Variants in BRINP1 observed in about 807,000 individuals in gnomAD.
BRINP1 encodes BMP/retinoic acid-inducible neural-specific protein 1.
In BRINP1, 17 loss-of-function variants were observed where a neutral mutation model predicts 72.9. The ratio of observed to expected loss-of-function variants is 0.23; its 90% CI spans 0.16 to 0.35. The LOEUF (loss-of-function observed/expected upper bound fraction) is 0.35. Ranked by LOEUF, BRINP1 falls within the 10% of genes least tolerant of loss-of-function variation. BRINP1 has a pLI of 1.00. For synonymous variants in BRINP1, 418 were observed against 378.5 expected (o/e 1.10, Z -1.21); for missense variants, 850 against 1,001.6 (o/e 0.85, Z 2.04).
Position 119,167,130 on chromosome 9 carries a change from G to C in BRINP1, c.2240C>G (p.Thr747Arg). Residue 747 changes from threonine (T) to arginine (R), a missense_variant, in exon 8 of 8, where the codon ACG (threonine) becomes AGG (arginine). Coordinates refer to ENST00000265922, the MANE Select transcript of BRINP1 (RefSeq NM_014618.3). This position sits in a 1 kb window ranked among gnomAD's most constrained non-coding sequence, Gnocchi z 4.3. Reference sequence around the variant, plus strand: ...CTGGTCCGACTGTTTGAGGATCTCCGTGTTGTACAGGTCCAAGGCGTGGTT... The same window carrying C: ...CTGGTCCGACTGTTTGAGGATCTCCCTGTTGTACAGGTCCAAGGCGTGGTT... Reference protein sequence around the residue: ...RVNHALDLYNTEILKQSDQMT... With the variant: ...RVNHALDLYNREILKQSDQMT... 2 of 1,613,850 alleles carry C rather than the reference G, an allele frequency of 1.2e-6. No individual in the cohort carries two copies. Among genetic ancestry groups the C allele is most frequent in the African/African-American group, 1.3e-5 (1 of 75,028 alleles).
Position 119,269,486 on chromosome 9 carries a change from T to C in BRINP1, c.219-20336A>G, listed in dbSNP as rs910188465. On this transcript the variant is annotated intron_variant, in intron 2 of 7. Transcript: ENST00000265922. ...GCCCATATAATCCCCTGCTGGTCACTCTTACTCCATGGTTTCTTTTCTTTT... is the reference window on the plus strand; with the variant it reads ...GCCCATATAATCCCCTGCTGGTCACCCTTACTCCATGGTTTCTTTTCTTTT... 2.0e-5 allele frequency among the ~76,000 whole-genome samples: 3 copies of C among 152,282 alleles called. No individual in the cohort carries two copies. The East Asian group carries it at 5.8e-4, about 29-fold the overall frequency.
intron 1 of BRINP1, among the ~76,000 whole-genome samples, chr9:119,321,439 CA>C (rs1831185947): frequency 1.3e-5 from 2 of 152,250 alleles, no homozygotes; most frequent in South Asian, 4.1e-4. Flanking sequence ...AAATACACAC[CA>C]GCATTTCAAA....
At chr9:119,288,803 T>TTTTG (rs1830793577) in intron 2 of BRINP1, among the ~76,000 whole-genome samples, 10 of 152,002 alleles carry the variant, frequency 6.6e-5, no homozygotes, top group African/African-American at 2.4e-4. Context: ...GTTTTGTTTT[T>TTTTG]TTTTTTAGAT....
intron 7 of BRINP1, among the ~76,000 whole-genome samples, chr9:119,198,669 T>C (rs1588161586): frequency 2.4e-5 from 2 of 81,762 alleles, no homozygotes; most frequent in Admixed American, 3.2e-4. Context: ...CTTGAAAATA[T>C]TAATTTTTTT....
At chr9:119,278,850 T>C (rs1384120410) in intron 2 of BRINP1, among the ~76,000 whole-genome samples, 4 of 152,226 alleles carry the variant, frequency 2.6e-5, no homozygotes, top group Non-Finnish European at 5.9e-5. Flanking sequence ...ATTGCGCCAC[T>C]GCACTCCGAC....
At chr9:119,318,646 C>A (rs994694196) in intron 1 of BRINP1, among the ~76,000 whole-genome samples, 30 of 152,054 alleles carry the variant, frequency 2.0e-4, no homozygotes, top group Admixed American at 1.6e-3. Flanking sequence ...GTTGGGAGAT[C>A]CTGGTAGTGA....
At chr9:119,358,388 A>T (rs1297064752) in intron 1 of BRINP1, among the ~76,000 whole-genome samples, 2 of 14,918 alleles carry the variant, frequency 1.3e-4, no homozygotes, top group Non-Finnish European at 2.6e-4. Flanking sequence ...TATATGTATT[A>T]AAAAAAAAAA....
At chr9:119,218,546 C>T (rs1205027816) in intron 5 of BRINP1, among the ~76,000 whole-genome samples, 1 of 152,086 alleles carries the variant, frequency 6.6e-6, no homozygotes, top group Admixed American at 6.5e-5. Context: ...AAGTGCCTCA[C>T]GAGGCTTCTG....
chr9:119,369,088 G>A lies in BRINP1; in HGVS notation c.-83C>T, dbSNP rs1003583715. On this transcript the variant is annotated 5_prime_UTR_variant, in exon 1 of 8. The change creates a premature stop within an existing upstream ORF in the 5' untranslated region. Coordinates refer to ENST00000265922, the MANE Select transcript of BRINP1 (RefSeq NM_014618.3). ...CAATGTCCGTCTTTGGCGGAGAGCT[G>A]CGGGAGGACGCTTTTTATTCGGCTC... is the stretch of plus-strand genomic sequence containing the variant. 2 of 397,344 alleles carry A rather than the reference G, an allele frequency of 5.0e-6. No homozygotes were observed. Among genetic ancestry groups the A allele is most frequent in the Admixed American group, 4.4e-5 (1 of 22,698 alleles). The allele number at this position is 397,344 out of a possible 1,614,324, so 24.6% of individuals were successfully genotyped here.
chr9:119,166,971 G>T lies in BRINP1; in HGVS notation c.*113C>A. The T allele has an allele frequency of 8.7e-7, 1 of 1,150,818 alleles. No homozygotes were observed. Among genetic ancestry groups the T allele is most frequent in the Non-Finnish European group, 1.2e-6 (1 of 809,090 alleles). The allele number at this position is 1,150,818 out of a possible 1,614,324, so 71.3% of individuals were successfully genotyped here. A position where few individuals can be genotyped will look rare whatever the true frequency, so the allele number is the denominator to read the frequency against. ...AATGAAGATTTTCCTCCTTTTCTTT[G>T]AATATTAATTACATTTTACAAATTT... On this transcript the variant is annotated 3_prime_UTR_variant, in exon 8 of 8. Transcript: ENST00000265922.
chr9:119,301,991 T>C (rs1830943886), intron 2 of BRINP1, among the ~76,000 whole-genome samples: 1 of 152,210 alleles, frequency 6.6e-6, no homozygotes, highest in South Asian at 2.1e-4. Flanking sequence ...ATGCTCTACC[T>C]CTGGGCAAAA....
intron 1 of BRINP1, among the ~76,000 whole-genome samples, chr9:119,345,094 G>C (rs1312339809): frequency 1.3e-5 from 2 of 152,136 alleles, no homozygotes; most frequent in African/African-American, 4.8e-5. Context: ...GAGAGAGCCG[G>C]AAGCACCCAA....
chr9:119,179,658 A>T (rs143468321), intron 7 of BRINP1, among the ~76,000 whole-genome samples: 29 of 152,274 alleles, frequency 1.9e-4, no homozygotes, highest in Middle Eastern at 6.8e-3. Context: ...TGTGATTTTT[A>T]TCCCACCGAT....
chr9:119,168,281 A>T, intron 7 of BRINP1, 57 bp from the exon 8 acceptor site: 2 of 1,364,672 alleles, frequency 1.5e-6, no homozygotes, highest in Non-Finnish European at 1.9e-6. Context: ...TCTGTGAGTT[A>T]CAGTTATCCA....
intron 2 of BRINP1, among the ~76,000 whole-genome samples, chr9:119,294,871 A>AAAAAAAG (rs1830858505): frequency 6.6e-6 from 1 of 150,904 alleles, no homozygotes; most frequent in South Asian, 2.1e-4. Flanking sequence ...AAAAAAAAAA[A>AAAAAAAG]GACACACATA....
At chr9:119,363,095 T>C (rs1831652465) in intron 1 of BRINP1, among the ~76,000 whole-genome samples, 1 of 152,110 alleles carries the variant, frequency 6.6e-6, no homozygotes, top group Admixed American at 6.5e-5. Context: ...CTCCGTGGCT[T>C]GTTTGGTTTT....
At position 119,324,209 on chromosome 9, in the gene BRINP1, C is replaced by CA. The variant is rs201478009; in HGVS notation, c.-50-10805dup. Among the ~76,000 whole-genome samples the CA allele has an allele frequency of 8.8e-3, 1,231 of 139,404 alleles. 6 individuals are homozygous for CA. The highest frequency in any genetic ancestry group is 0.012 in the Non-Finnish European group (757 of 63,708). 91.5% of individuals were successfully genotyped at this position (139,404 alleles called of 152,430 possible). ...AATTTACTAATCAGGGTATACAAGG[C>CA]AAAAAAAAAAAAATTCTTAGAATTT... On this transcript the variant is annotated intron_variant, in intron 1 of 7. Coordinates refer to ENST00000265922, the MANE Select transcript of BRINP1 (RefSeq NM_014618.3).
chr9:119,313,364 G>C lies in BRINP1; in HGVS notation c.-9C>G. On this transcript the variant is annotated 5_prime_UTR_variant, in exon 2 of 8. Coordinates refer to ENST00000265922, the MANE Select transcript of BRINP1 (RefSeq NM_014618.3). Reference sequence around the variant, plus strand: ...ACAAACCTCCAGTTCATGCTTTTCTGCCGGCCTTTTTCCTCTCATTCTTGC... The same window carrying C: ...ACAAACCTCCAGTTCATGCTTTTCTCCCGGCCTTTTTCCTCTCATTCTTGC... 6.2e-7 allele frequency: 1 copy of C among 1,613,192 alleles called. No homozygotes were observed. Among genetic ancestry groups the C allele is most frequent in the Non-Finnish European group, 8.5e-7 (1 of 1,179,912 alleles).
intron 7 of BRINP1, among the ~76,000 whole-genome samples, chr9:119,169,099 A>C (rs1400343839): frequency 6.6e-6 from 1 of 152,244 alleles, no homozygotes; most frequent in African/African-American, 2.4e-5. Context: ...TCAATGATAG[A>C]CTGGATAAAG....
Sources: gnomAD v4.1 joint callset for allele counts (sites outside exome capture counted in the v4.1 genomes callset) on GRCh38, gnomAD v4.1.1 for gene constraint, Gnocchi (gnomAD v3.1) non-coding constraint, MANE v1.5 for transcripts, NCBI Gene and HGNC (gene_info 2026-07-23, HGNC 2026-07-21) for gene names.